NAV2: variants seen among roughly 807,000 people sequenced by gnomAD.
The protein encoded by NAV2 is neuron navigator 2, also known as helicase, APC down-regulated 1.
In NAV2, 54 loss-of-function variants were observed where a neutral mutation model predicts 223.2. The observed-to-expected ratio is 0.24, with a 90% CI of 0.19 to 0.30. The LOEUF is 0.30. Ranked by LOEUF, NAV2 falls within the 10% of genes least tolerant of loss-of-function variation. The probability of loss-of-function intolerance (pLI) is 1.00; values close to 1 mark genes in which losing one functional copy is unlikely to be tolerated. For missense variants in NAV2, 2,806 were observed against 3,147.5 expected, an observed-to-expected ratio of 0.89 and a Z score of 2.60; for synonymous variants, 1,279 against 1,239.3, an observed-to-expected ratio of 1.03 and a Z score of -0.67.
intron 5 of NAV2, among the ~76,000 whole-genome samples, chr11:19,889,096 T>C (rs777184194): frequency 9.2e-5 from 14 of 152,190 alleles, no homozygotes; most frequent in Non-Finnish European, 1.8e-4. Context: ...CCTTTGGCTT[T>C]GAAATCCTGC....
At chr11:19,927,019 A>C (rs2044818837) in intron 6 of NAV2, among the ~76,000 whole-genome samples, 1 of 152,188 alleles carries the variant, frequency 6.6e-6, no homozygotes, top group Non-Finnish European at 1.5e-5. Flanking sequence ...TTCATTTAGA[A>C]AGCATTTTGG....
chr11:19,398,870 C>T (rs1380351633), intron 1 of NAV2, among the ~76,000 whole-genome samples: 2 of 152,212 alleles, frequency 1.3e-5, no homozygotes, highest in African/African-American at 4.8e-5. Flanking sequence ...GACGCAGCCT[C>T]AGCTCCTAGC....
At chr11:19,949,828 T>G (rs949470227) in intron 10 of NAV2, among the ~76,000 whole-genome samples, 1 of 152,212 alleles carries the variant, frequency 6.6e-6, no homozygotes, top group Non-Finnish European at 1.5e-5. Context: ...GTGTGTTGTG[T>G]ATAATAGGAG....
At chr11:19,664,321 G>A (rs895136589) in intron 1 of NAV2, among the ~76,000 whole-genome samples, 1 of 152,200 alleles carries the variant, frequency 6.6e-6, no homozygotes, top group African/African-American at 2.4e-5. Flanking sequence ...TGGGCATGCA[G>A]GCATGGATTG....
chr11:19,682,036 A>C (rs1714783028), intron 1 of NAV2, among the ~76,000 whole-genome samples: 1 of 152,070 alleles, frequency 6.6e-6, no homozygotes, highest in South Asian at 2.1e-4. Flanking sequence ...AGTGGACTTC[A>C]CTCTGCAGGG....
At chr11:20,100,303 C>T (rs1050339102) in intron 31 of NAV2, among the ~76,000 whole-genome samples, 3 of 152,144 alleles carry the variant, frequency 2.0e-5, no homozygotes, top group Non-Finnish European at 2.9e-5. Context: ...GACCAAGAGT[C>T]CCAGCTAACA....
At chr11:19,548,257 G>C (rs2044568755) in intron 1 of NAV2, among the ~76,000 whole-genome samples, 1 of 152,214 alleles carries the variant, frequency 6.6e-6, no homozygotes, top group South Asian at 2.1e-4. Flanking sequence ...AAACAGCAAA[G>C]ATGTGAGTAG....
At chr11:20,027,130 A>G (rs1342392064) in intron 11 of NAV2, 8 of 307,066 alleles carry the variant, frequency 2.6e-5, no homozygotes, top group South Asian at 2.5e-4. Context: ...AGGCCCCAGC[A>G]ATAGTTAGAG....
intron 11 of NAV2, among the ~76,000 whole-genome samples, chr11:20,012,593 T>A (rs770606619): frequency 4.0e-5 from 6 of 151,318 alleles, no homozygotes; most frequent in Non-Finnish European, 8.8e-5. Flanking sequence ...AAGAATCACT[T>A]GAACCCAGGA....
At chr11:19,666,897 C>T (rs2048426366) in intron 1 of NAV2, among the ~76,000 whole-genome samples, 1 of 152,150 alleles carries the variant, frequency 6.6e-6, no homozygotes, top group Non-Finnish European at 1.5e-5. Context: ...GGCTCTGACA[C>T]CACTATTTTT....
intron 20 of NAV2, among the ~76,000 whole-genome samples, chr11:20,066,265 A>G (rs1435121360): frequency 6.6e-6 from 1 of 152,224 alleles, no homozygotes; most frequent in Non-Finnish European, 1.5e-5. Context: ...ACACAGTAGG[A>G]AATCAGTAAG....
chr11:19,595,397 T>A (rs911512191), intron 1 of NAV2, among the ~76,000 whole-genome samples: 5 of 152,346 alleles, frequency 3.3e-5, no homozygotes, highest in Admixed American at 1.3e-4. Context: ...TACACCACTT[T>A]AAGCACTTTA....
At chr11:19,354,138 A>G in intron 1 of NAV2, among the ~76,000 whole-genome samples, 1 of 152,214 alleles carries the variant, frequency 6.6e-6, no homozygotes, top group Non-Finnish European at 1.5e-5. Flanking sequence ...GTATTCATCT[A>G]TTCAAGAAGT....
At chr11:19,975,608 C>G (rs1217802797) in intron 10 of NAV2, among the ~76,000 whole-genome samples, 1 of 152,224 alleles carries the variant, frequency 6.6e-6, no homozygotes, top group Non-Finnish European at 1.5e-5. Flanking sequence ...TGATCAATCT[C>G]TCTGCTAGGA....
chr11:19,976,924 A>C (rs2049813344), intron 10 of NAV2, among the ~76,000 whole-genome samples: 1 of 152,188 alleles, frequency 6.6e-6, no homozygotes, highest in African/African-American at 2.4e-5. Context: ...GAGTGACATA[A>C]GGGAAGATTT....
chr11:20,108,418 G>A (rs78464436), intron 36 of NAV2, among the ~76,000 whole-genome samples: 3,575 of 152,102 alleles, frequency 0.024, 60 homozygotes, highest in Middle Eastern at 0.082. Context: ...AGTTCCTCCT[G>A]CCTGACAGCA....
intron 10 of NAV2, among the ~76,000 whole-genome samples, chr11:19,973,433 TTGGCAGG>T (rs1037067923): frequency 6.6e-6 from 1 of 152,166 alleles, no homozygotes; most frequent in African/African-American, 2.4e-5. Context: ...CAGATGATGA[TTGGCAGG>T]TGTGTTTCAG....
At chr11:19,894,716 A>G (rs1405102356) in intron 6 of NAV2, among the ~76,000 whole-genome samples, 1 of 152,192 alleles carries the variant, frequency 6.6e-6, no homozygotes, top group African/African-American at 2.4e-5. Flanking sequence ...GTCAGAAGAA[A>G]GAAAGGGAAG....
At chr11:19,791,074 A>G (rs1035408201) in intron 1 of NAV2, among the ~76,000 whole-genome samples, 1 of 152,114 alleles carries the variant, frequency 6.6e-6, no homozygotes, top group Non-Finnish European at 1.5e-5. Context: ...GTGATAATTT[A>G]CCCAGAGTTA....
Sources: gnomAD v4.1 joint callset for allele counts (sites outside exome capture counted in the v4.1 genomes callset) on GRCh38, gnomAD v4.1.1 for gene constraint, MANE v1.5 for transcripts, NCBI Gene and HGNC (gene_info 2026-07-23, HGNC 2026-07-21) for gene names.